The following NOP58 variants were observed in gnomAD, a reference collection of about 807,000 sequenced individuals.
NOP58 encodes nucleolar protein 58.
A neutral mutation model predicts 71.2 loss-of-function variants in NOP58; 44 were observed. The observed-to-expected ratio is 0.62, with a 90% confidence interval of 0.49 to 0.79. The LOEUF (loss-of-function observed/expected upper bound fraction) is 0.79, where lower values mean the gene tolerates loss of function less well. Ranked by LOEUF, NOP58 falls within the 30% of genes least tolerant of loss-of-function variation. The pLI is 0.00. For missense variants in NOP58, 538 were observed against 620.2 expected (o/e 0.87, Z 1.41); for synonymous variants, 228 against 200.3 (o/e 1.14, Z -1.17).
At position 202,303,143 on chromosome 2, in the gene NOP58, G is replaced by T; in HGVS notation, c.1539+86G>T. The T allele has an allele frequency of 2.0e-6, 3 of 1,475,826 alleles. 1 individual carries two copies. Among genetic ancestry groups the T allele is most frequent in the Middle Eastern group, 5.0e-4 (2 of 3,998 alleles). 91.4% of individuals were successfully genotyped at this position (1,475,826 alleles called of 1,614,324 possible). On this transcript the variant is annotated intron_variant, in intron 14 of 14. Coordinates refer to ENST00000264279, the MANE Select transcript of NOP58 (RefSeq NM_015934.5). ...TATTTTCTATATCAGAAATGAGCAG[G>T]CATTTTAAAAAATGGTTTTCATTGA...
At chr2:202,282,211 T>C in intron 3 of NOP58, 140 bp from the exon 4 acceptor site, 1 of 659,290 alleles carries the variant, frequency 1.5e-6, no homozygotes, top group Non-Finnish European at 2.5e-6. Context: ...TTATAAAACA[T>C]ATATCATTTC....
In NOP58 at chr2:202,277,063, G is replaced by A. The variant is rs186932727; in HGVS notation, c.123-887G>A. On this transcript the variant is annotated intron_variant, in intron 2 of 14. Transcript: ENST00000264279. ...AGCACTTTGGGAGGCCAAGGCGGGC[G>A]GATGATGAGGTCAGGAGATGGAGAC... Among the ~76,000 whole-genome samples, 268 of 152,320 alleles carry A rather than the reference G, an allele frequency of 1.8e-3. 1 individual carries two copies. Among genetic ancestry groups the A allele is most frequent in the African/African-American group, 5.6e-3 (231 of 41,584 alleles).
intron 4 of NOP58, among the ~76,000 whole-genome samples, 184 bp from the exon 5 acceptor site, chr2:202,284,161 A>G (rs1223769122): frequency 9.9e-5 from 15 of 152,014 alleles, no homozygotes; most frequent in East Asian, 3.9e-4. Context: ...CATGCCTGCA[A>G]TAATCCCAGG....
At position 202,282,357 on chromosome 2, in the gene NOP58, C is replaced by G. The variant is rs1688719434; in HGVS notation, c.182C>G (p.Thr61Arg). The G allele has an allele frequency of 6.2e-7, 1 of 1,604,832 alleles. No individual in the cohort carries two copies. Among genetic ancestry groups the G allele is most frequent in the East Asian group, 2.2e-5 (1 of 44,774 alleles). The change falls in exon 4 of 15, where the codon ACA (threonine) becomes AGA (arginine). Residue 61 changes from threonine (T) to arginine (R), a missense_variant. Physicochemically the swap from Thr to Arg is moderately conservative, Grantham distance 71. Transcript: ENST00000264279. Reference sequence around the variant, plus strand: ...TTTTCTTTTTCTTGAAAAGCATTCACAGCTCTGATGGAGGGCAAAATCAAT... The same window carrying G: ...TTTTCTTTTTCTTGAAAAGCATTCAGAGCTCTGATGGAGGGCAAAATCAAT... ...QDTAEALAAF[T>R]ALMEGKINKQ... is the part of the protein sequence containing the mutation.
intron 6 of NOP58, among the ~76,000 whole-genome samples, chr2:202,289,617 G>T (rs1420919290): frequency 1.3e-5 from 2 of 152,140 alleles, no homozygotes; most frequent in African/African-American, 4.8e-5. Flanking sequence ...TCACACAGTG[G>T]AATGTTAGTC....
At chr2:202,272,994 TGTG>T (rs1688534722) in intron 1 of NOP58, among the ~76,000 whole-genome samples, 1 of 151,838 alleles carries the variant, frequency 6.6e-6, no homozygotes, top group African/African-American at 2.4e-5. Flanking sequence ...ATTAGCCAGG[TGTG>T]GTGGCAGGCG....
At chr2:202,295,228 T>A (rs1043967441) in intron 9 of NOP58, among the ~76,000 whole-genome samples, 1 of 152,246 alleles carries the variant, frequency 6.6e-6, no homozygotes, top group Admixed American at 6.5e-5. Flanking sequence ...GGTAGGGGAC[T>A]ATTAATAGAT....
At chr2:202,294,571 A>C (rs1275484579) in intron 9 of NOP58, among the ~76,000 whole-genome samples, 1 of 152,174 alleles carries the variant, frequency 6.6e-6, no homozygotes, top group Non-Finnish European at 1.5e-5. Context: ...TATACTGTAT[A>C]TGCTGTTTTT....
At chr2:202,297,693 G>A (rs1468824874) in intron 11 of NOP58, 152 bp from the exon 12 acceptor site, 1 of 798,552 alleles carries the variant, frequency 1.3e-6, no homozygotes, top group Non-Finnish European at 2.0e-6. Flanking sequence ...GTATCCAACT[G>A]CATTTGCCAT....
intron 12 of NOP58, among the ~76,000 whole-genome samples, chr2:202,299,233 C>G (rs796513732): frequency 6.6e-6 from 1 of 152,166 alleles, no homozygotes; most frequent in Non-Finnish European, 1.5e-5. Context: ...GCTGGGATTA[C>G]AGGCGTGAGC....
At chr2:202,277,835 T>A (rs757881074) in intron 2 of NOP58, 115 bp from the exon 3 acceptor site, 61 of 664,000 alleles carry the variant, frequency 9.2e-5, no homozygotes, top group Non-Finnish European at 1.6e-4. Flanking sequence ...ATGGTAGGCA[T>A]GTTTTATTGG....
chr2:202,283,550 C>T (rs886782226), intron 4 of NOP58, among the ~76,000 whole-genome samples: 17 of 151,864 alleles, frequency 1.1e-4, no homozygotes, highest in African/African-American at 4.1e-4. Flanking sequence ...AAGTGATTCT[C>T]CTGCCTCAGC....
intron 5 of NOP58, 136 bp downstream of exon 5, chr2:202,284,617 T>A: frequency 2.2e-6 from 2 of 898,846 alleles, no homozygotes; most frequent in Non-Finnish European, 3.3e-6. Context: ...AATATCCTCA[T>A]TTACAGATGA....
At chr2:202,287,617 CCTAGATGCTAT>C in intron 5 of NOP58, 32 bp from the exon 6 acceptor site, 1 of 1,476,648 alleles carries the variant, frequency 6.8e-7, no homozygotes, top group Admixed American at 1.7e-5. Context: ...AAATGCTTTT[CCTAGATGCTAT>C]CTTGCTAATT....
intron 13 of NOP58, among the ~76,000 whole-genome samples, chr2:202,301,599 A>T (rs1452907473): frequency 6.6e-6 from 1 of 152,214 alleles, no homozygotes; most frequent in Non-Finnish European, 1.5e-5. Flanking sequence ...GAAAGTATGT[A>T]GTAGCCACAG....
intron 10 of NOP58, among the ~76,000 whole-genome samples, chr2:202,296,670 T>G (rs1042544686): frequency 1.3e-5 from 2 of 152,208 alleles, no homozygotes; most frequent in African/African-American, 4.8e-5. Flanking sequence ...AATAAAGCGT[T>G]CAATAAAATA....
chr2:202,281,862 GT>G (rs1379935373), intron 3 of NOP58, among the ~76,000 whole-genome samples: 6 of 152,316 alleles, frequency 3.9e-5, no homozygotes, highest in Admixed American at 6.5e-5. Flanking sequence ...TTGCTACTAA[GT>G]TTTACATTGC....
intron 6 of NOP58, among the ~76,000 whole-genome samples, chr2:202,288,996 T>G (rs1688839714): frequency 6.6e-6 from 1 of 151,858 alleles, no homozygotes; most frequent in East Asian, 1.9e-4. Context: ...GGCGTGTGCC[T>G]ATAGTCCCAG....
At chr2:202,272,775 A>AT (rs1344337614) in intron 1 of NOP58, among the ~76,000 whole-genome samples, 3 of 152,292 alleles carry the variant, frequency 2.0e-5, no homozygotes, top group South Asian at 4.1e-4. Flanking sequence ...TAAAATTCAC[A>AT]TTTTTTCTAG....
Sources: gnomAD v4.1 joint callset for allele counts (sites outside exome capture counted in the v4.1 genomes callset) on GRCh38, gnomAD v4.1.1 for gene constraint, MANE v1.5 for transcripts, NCBI Gene and HGNC (gene_info 2026-07-23, HGNC 2026-07-21) for gene names.